TRHDE: variants seen among roughly 807,000 people sequenced by gnomAD.
TRHDE encodes thyrotropin-releasing hormone-degrading ectoenzyme.
A neutral mutation model predicts 125.7 loss-of-function variants in TRHDE; 72 were observed. That is an observed-to-expected ratio of 0.57 (90% CI 0.47 to 0.70). TRHDE has a LOEUF of 0.70. Among genes scored for constraint, TRHDE ranks in the 30% least tolerant of loss-of-function variants. TRHDE has a pLI of 0.00. For missense variants in TRHDE, 1,110 were observed against 1,327.1 expected (o/e 0.84, Z 2.54); for synonymous variants, 509 against 509.1 (o/e 1.00, Z 0.00).
intron 5 of TRHDE, among the ~76,000 whole-genome samples, chr12:72,496,606 G>A (rs1877931097): frequency 6.6e-6 from 1 of 152,166 alleles, no homozygotes; most frequent in Admixed American, 6.6e-5. Flanking sequence ...TTTGGGTGGG[G>A]ACACAGAGCC....
intron 3 of TRHDE, among the ~76,000 whole-genome samples, chr12:72,420,434 T>A (rs1873905038): frequency 6.6e-6 from 1 of 152,182 alleles, no homozygotes; most frequent in African/African-American, 2.4e-5. Context: ...TAAGCAACTA[T>A]AAAGGACTTA....
In TRHDE at chr12:72,273,055, C is replaced by T. The variant is rs1014606059; in HGVS notation, c.412C>T (p.Pro138Ser). The change falls in exon 1 of 19, where the codon CCT becomes TCT. Residue 138 changes from proline to serine, a missense_variant. Transcript: ENST00000261180. The surrounding 1 kb of genome is among the most constrained non-coding windows in gnomAD (Gnocchi z 5.3). ...GGAGCGCGGCGGCAACGGGAGCCTC[C>T]CTGGATCGGCCCGGCGCAACCACCA... is the stretch of plus-strand genomic sequence containing the variant. The part of the protein sequence containing the change: ...FPERGGNGSL[P>S]GSARRNHHAG... The T allele has an allele frequency of 1.3e-6, 2 of 1,531,930 alleles. No individual in the cohort carries two copies. Among genetic ancestry groups the T allele is most frequent in the Non-Finnish European group, 1.7e-6 (2 of 1,143,046 alleles). 94.9% of individuals were successfully genotyped at this position (1,531,930 alleles called of 1,614,324 possible).
intron 2 of TRHDE, among the ~76,000 whole-genome samples, chr12:72,337,729 T>G (rs1869891772): frequency 6.6e-6 from 1 of 152,120 alleles, no homozygotes. Flanking sequence ...TTATGTCTTT[T>G]GCTGGTCTAG....
At chr12:72,610,485 C>T (rs187506664) in intron 12 of TRHDE, among the ~76,000 whole-genome samples, 1 of 152,182 alleles carries the variant, frequency 6.6e-6, no homozygotes, top group African/African-American at 2.4e-5. Context: ...CCTTTTAAAG[C>T]GTAAATCAGA....
intron 2 of TRHDE, among the ~76,000 whole-genome samples, chr12:72,208,477 G>T (rs973567407): frequency 6.6e-6 from 1 of 152,190 alleles, no homozygotes; most frequent in Non-Finnish European, 1.5e-5. Context: ...GAAGAGATGA[G>T]CTCAGTCATT....
intron 2 of TRHDE, among the ~76,000 whole-genome samples, chr12:72,125,052 A>G (rs1486953980): frequency 1.3e-5 from 2 of 152,234 alleles, no homozygotes; most frequent in African/African-American, 2.4e-5. Context: ...TTTCCTAAAA[A>G]CACTGCTAGA....
At chr12:72,386,306 G>T (rs531755345) in intron 3 of TRHDE, among the ~76,000 whole-genome samples, 4 of 152,114 alleles carry the variant, frequency 2.6e-5, no homozygotes, top group Admixed American at 2.6e-4. Flanking sequence ...ATTAAGTTAG[G>T]AAATAACCAT....
chr12:72,103,511 T>C (rs907870281), intron 1 of TRHDE, among the ~76,000 whole-genome samples: 2 of 152,022 alleles, frequency 1.3e-5, no homozygotes, highest in Non-Finnish European at 2.9e-5. Flanking sequence ...GACCCTGTTA[T>C]ACAATTTTCA....
At chr12:72,471,856 G>A (rs893557360) in intron 4 of TRHDE, among the ~76,000 whole-genome samples, 1 of 151,564 alleles carries the variant, frequency 6.6e-6, no homozygotes, top group Non-Finnish European at 1.5e-5. Flanking sequence ...ACATGATCTG[G>A]TACTTGTCTG....
chr12:72,510,372 G>A (rs574631250), intron 6 of TRHDE, among the ~76,000 whole-genome samples: 49 of 152,258 alleles, frequency 3.2e-4, no homozygotes, highest in African/African-American at 1.1e-3. Flanking sequence ...GGCTTTTAGT[G>A]TGCTATATGA....
chr12:72,383,637 A>G (rs1306208346), intron 3 of TRHDE, among the ~76,000 whole-genome samples: 2 of 151,568 alleles, frequency 1.3e-5, no homozygotes, highest in Non-Finnish European at 1.5e-5. Flanking sequence ...TTGGCCTCCC[A>G]AAGTGCTGGG....
intron 3 of TRHDE, among the ~76,000 whole-genome samples, chr12:72,415,331 G>A (rs1225164910): frequency 6.6e-6 from 1 of 152,012 alleles, no homozygotes; most frequent in African/African-American, 2.4e-5. Context: ...GAAAATCAGG[G>A]TAATTGGGGT....
intron 2 of TRHDE, among the ~76,000 whole-genome samples, chr12:72,196,052 T>G (rs557794890): frequency 1.3e-5 from 2 of 152,304 alleles, no homozygotes; most frequent in African/African-American, 4.8e-5. Flanking sequence ...CAGCTTTATC[T>G]TTGGGCTCTA....
chr12:72,641,213 A>C (rs796954675), intron 15 of TRHDE, among the ~76,000 whole-genome samples: 1 of 152,222 alleles, frequency 6.6e-6, no homozygotes, highest in African/African-American at 2.4e-5. Context: ...TTTCTTTGGC[A>C]AGTATAATTT....
intron 2 of TRHDE, among the ~76,000 whole-genome samples, chr12:72,302,283 T>C (rs1377490448): frequency 1.3e-5 from 2 of 151,888 alleles, no homozygotes; most frequent in Non-Finnish European, 2.9e-5. Flanking sequence ...TGTGTGTTTA[T>C]ATACACAATT....
intron 18 of TRHDE, 129 bp downstream of exon 18, chr12:72,657,137 C>CAA: frequency 1.6e-6 from 1 of 634,270 alleles, no homozygotes; most frequent in South Asian, 2.0e-5. Flanking sequence ...ACCACACACA[C>CAA]ACACACACGT....
chr12:72,564,474 C>A (rs184242573), intron 9 of TRHDE, among the ~76,000 whole-genome samples: 1 of 151,974 alleles, frequency 6.6e-6, no homozygotes, highest in Non-Finnish European at 1.5e-5. Flanking sequence ...ATAAAGGACA[C>A]GCAGATGACA....
chr12:72,524,213 C>T (rs191309598), intron 6 of TRHDE, among the ~76,000 whole-genome samples: 1 of 152,292 alleles, frequency 6.6e-6, no homozygotes, highest in Admixed American at 6.5e-5. Flanking sequence ...ATTTTATCCT[C>T]TCCGTAAACT....
chr12:72,556,472 G>T lies in TRHDE; in HGVS notation c.1789-5693G>T, dbSNP rs1219657688. Among the ~76,000 whole-genome samples, 3 of 152,322 alleles carry T rather than the reference G, an allele frequency of 2.0e-5. 1 individual carries two copies. Among genetic ancestry groups the T allele is most frequent in the Admixed American group, 2.0e-4 (3 of 15,302 alleles). ...TGAAGGTTTAGCTGTTCCCATTAGA[G>T]TGGCTACCACAGGACCCTCAGTGTC... On this transcript the variant is annotated intron_variant, in intron 7 of 18. Transcript: ENST00000261180.
Sources: allele counts gnomAD v4.1 joint callset (sites outside exome capture counted in the v4.1 genomes callset), GRCh38; gene constraint gnomAD v4.1.1; non-coding constraint Gnocchi (gnomAD v3.1); transcripts MANE v1.5; gene names NCBI Gene and HGNC (gene_info 2026-07-23, HGNC 2026-07-21).